The following LDAH variants were observed in gnomAD, a reference collection of about 807,000 sequenced individuals.
The protein encoded by LDAH is lipid droplet associated hydrolase.
In LDAH, 26 loss-of-function variants were observed where a neutral mutation model predicts 29.6. That is an observed-to-expected ratio of 0.88 (90% CI 0.64 to 1.22). The LOEUF (loss-of-function observed/expected upper bound fraction) is 1.22, where lower values mean the gene tolerates loss of function less well. LDAH is among the 50% of genes most tolerant of loss of function. LDAH has a pLI of 0.00. For missense variants in LDAH, 344 were observed against 387.3 expected (o/e 0.89, Z 0.94); for synonymous variants, 117 against 133.0 (o/e 0.88, Z 0.83).
At chr2:20,790,161 G>A (rs1250695078) in intron 3 of LDAH, 94 bp downstream of exon 3, 2 of 1,317,376 alleles carry the variant, frequency 1.5e-6, no homozygotes, top group East Asian at 2.4e-5. Context: ...ACAAGCAGAG[G>A]TTTCCACTGG....
chr2:20,726,787 T>A (rs750289944), intron 5 of LDAH, among the ~76,000 whole-genome samples: 2 of 152,198 alleles, frequency 1.3e-5, no homozygotes, highest in Non-Finnish European at 2.9e-5. Flanking sequence ...AAACAGATAA[T>A]CTTACCTAAG....
At chr2:20,814,436 G>A (rs1234438909) in intron 1 of LDAH, among the ~76,000 whole-genome samples, 5 of 152,182 alleles carry the variant, frequency 3.3e-5, no homozygotes, top group African/African-American at 1.2e-4. Flanking sequence ...AAGGAAAGGA[G>A]AAAGAACTTT....
At chr2:20,806,499 A>C (rs190988729) in intron 1 of LDAH, among the ~76,000 whole-genome samples, 3 of 152,276 alleles carry the variant, frequency 2.0e-5, no homozygotes, top group East Asian at 3.9e-4. Flanking sequence ...CAAAATTTTT[A>C]ATTGGTAACA....
Position 20,710,895 on chromosome 2 carries a change from A to G in LDAH, c.704-9243T>C, listed in dbSNP as rs116284292. Among the ~76,000 whole-genome samples the G allele has an allele frequency of 4.0e-3, 601 of 152,000 alleles. 2 individuals are homozygous for G. The highest frequency in any genetic ancestry group is 0.014 in the African/African-American group (583 of 41,450). ...GTGAATATGACATATTACTCCTATG[A>G]TAGGTCATGTTATCTGGCAGAGTTG... On this transcript the variant is annotated intron_variant, in intron 5 of 6. Coordinates refer to ENST00000237822, the MANE Select transcript of LDAH (RefSeq NM_021925.4).
chr2:20,822,685 AC>A (rs1473292329), intron 1 of LDAH, among the ~76,000 whole-genome samples: 2 of 152,006 alleles, frequency 1.3e-5, no homozygotes, highest in Non-Finnish European at 2.9e-5. Context: ...CCAGAGTTTG[AC>A]CCCTCCTAGC....
chr2:20,777,528 A>C (rs934898242), intron 3 of LDAH, among the ~76,000 whole-genome samples: 1 of 152,092 alleles, frequency 6.6e-6, no homozygotes, highest in Non-Finnish European at 1.5e-5. Context: ...GGGTTCAAGC[A>C]ATTCTCATGA....
intron 5 of LDAH, among the ~76,000 whole-genome samples, chr2:20,707,577 G>A (rs576518463): frequency 6.6e-6 from 1 of 152,346 alleles, no homozygotes; most frequent in East Asian, 1.9e-4. Flanking sequence ...TGTAGTGAGT[G>A]AGAGAACGCT....
At chr2:20,774,114 G>C (rs1423654480) in intron 4 of LDAH, among the ~76,000 whole-genome samples, 1 of 152,230 alleles carries the variant, frequency 6.6e-6, no homozygotes, top group Non-Finnish European at 1.5e-5. Context: ...CTTGTGAATT[G>C]CATCCATTCA....
At chr2:20,694,150 C>A (rs962898280) in intron 6 of LDAH, among the ~76,000 whole-genome samples, 3 of 43,920 alleles carry the variant, frequency 6.8e-5, no homozygotes, top group Non-Finnish European at 1.1e-4. Context: ...CCCCTACTTC[C>A]CAGCTAGGGC....
At chr2:20,809,671 ACAACT>A (rs1311093314) in intron 1 of LDAH, among the ~76,000 whole-genome samples, 9 of 152,252 alleles carry the variant, frequency 5.9e-5, no homozygotes, top group Non-Finnish European at 8.8e-5. Flanking sequence ...TCAGTAAGAG[ACAACT>A]CAATAGAAAA....
At chr2:20,739,303 C>T (rs112657543) in intron 5 of LDAH, among the ~76,000 whole-genome samples, 4,831 of 151,938 alleles carry the variant, frequency 0.032, 260 homozygotes, top group African/African-American at 0.11. Context: ...TTTTGAAGTA[C>T]GGAGTATTGT....
chr2:20,800,652 G>A (rs1671596771), intron 2 of LDAH, among the ~76,000 whole-genome samples: 1 of 150,550 alleles, frequency 6.6e-6, no homozygotes. Context: ...ATATTTTTTT[G>A]AGACGGAGTC....
rs1978822 is a variant in LDAH at position 20,793,035 on chromosome 2, T to A, written c.155-2637A>T. ...AATTTTATCATCATCAAGTAAATGATGATGCCAATTACTTATGTTCATTAA... is the reference window on the plus strand; with the variant it reads ...AATTTTATCATCATCAAGTAAATGAAGATGCCAATTACTTATGTTCATTAA... On this transcript the variant is annotated intron_variant, in intron 2 of 6. Coordinates refer to ENST00000237822, the MANE Select transcript of LDAH (RefSeq NM_021925.4). Among the ~76,000 whole-genome samples the A allele has an allele frequency of 5.1e-3, 776 of 152,294 alleles. 6 individuals carry two copies. Among genetic ancestry groups the A allele is most frequent in the African/African-American group, 0.018 (735 of 41,580 alleles).
At chr2:20,754,765 G>T (rs1192585428) in intron 4 of LDAH, among the ~76,000 whole-genome samples, 5 of 151,874 alleles carry the variant, frequency 3.3e-5, no homozygotes, top group African/African-American at 1.2e-4. Context: ...TTTTTAAAAA[G>T]GAATTATATT....
intron 5 of LDAH, among the ~76,000 whole-genome samples, chr2:20,728,853 T>C (rs1464306792): frequency 1.3e-5 from 2 of 152,050 alleles, no homozygotes; most frequent in Middle Eastern, 3.2e-3. Flanking sequence ...GTAGTAGTTA[T>C]TTGGCTATCA....
chr2:20,729,139 TCC>T (rs1666221953), intron 5 of LDAH, among the ~76,000 whole-genome samples: 1 of 152,182 alleles, frequency 6.6e-6, no homozygotes, highest in Non-Finnish European at 1.5e-5. Context: ...ACTGTCTTGC[TCC>T]CTGCTGCCTA....
chr2:20,750,093 T>C (rs1050026636), intron 4 of LDAH, among the ~76,000 whole-genome samples: 1 of 149,586 alleles, frequency 6.7e-6, no homozygotes, highest in Non-Finnish European at 1.5e-5. Flanking sequence ...TGGTGCAATC[T>C]CAGCTCACTG....
chr2:20,711,431 G>A (rs1019016135), intron 5 of LDAH, among the ~76,000 whole-genome samples: 7 of 151,332 alleles, frequency 4.6e-5, no homozygotes, highest in South Asian at 4.2e-4. Flanking sequence ...CAAGATGGCC[G>A]AATAGGAACA....
intron 5 of LDAH, among the ~76,000 whole-genome samples, chr2:20,732,244 G>T (rs1666462199): frequency 6.6e-6 from 1 of 152,042 alleles, no homozygotes; most frequent in Non-Finnish European, 1.5e-5. Flanking sequence ...TTTGGTAATA[G>T]AATAGTATAT....
Sources: allele counts gnomAD v4.1 joint callset (sites outside exome capture counted in the v4.1 genomes callset), GRCh38; gene constraint gnomAD v4.1.1; transcripts MANE v1.5; gene names NCBI Gene and HGNC (gene_info 2026-07-23, HGNC 2026-07-21).